Variants in SDHA observed in about 807,000 individuals in gnomAD.
SDHA encodes the protein succinate dehydrogenase [ubiquinone] flavoprotein subunit, mitochondrial.
In SDHA, 48 loss-of-function variants were observed where a neutral mutation model predicts 78.4. That is an observed-to-expected ratio of 0.61 (90% confidence interval 0.49 to 0.78). The LOEUF (loss-of-function observed/expected upper bound fraction) is 0.78, where lower values mean the gene tolerates loss of function less well. Ranked by LOEUF, SDHA falls within the 30% of genes least tolerant of loss-of-function variation. The pLI is 0.00. For missense variants in SDHA, 680 were observed against 892.7 expected (o/e 0.76, Z 3.04); for synonymous variants, 326 against 353.9 (o/e 0.92, Z 0.88).
intron 14 of SDHA, 56 bp from the exon 15 acceptor site, chr5:256,278 G>A: frequency 7.6e-7 from 1 of 1,313,110 alleles, no homozygotes; most frequent in Non-Finnish European, 1.1e-6. Context: ...AGGAACACAA[G>A]AGATGGCTTT....
chr5:230,759 T>C, intron 6 of SDHA, 117 bp from the exon 7 acceptor site: 2 of 1,374,582 alleles, frequency 1.5e-6, no homozygotes, highest in Non-Finnish European at 2.1e-6. Context: ...GGGGGTTGTG[T>C]GTGCACAGCA....
intron 11 of SDHA, among the ~76,000 whole-genome samples, chr5:247,885 A>G (rs1390935339): frequency 6.6e-6 from 1 of 152,246 alleles, no homozygotes; most frequent in Non-Finnish European, 1.5e-5. Context: ...TATAATTCTC[A>G]AGGACAAGCC....
intron 1 of SDHA, among the ~76,000 whole-genome samples, chr5:221,979 C>G (rs1734741464): frequency 6.6e-6 from 1 of 152,174 alleles, no homozygotes; most frequent in African/African-American, 2.4e-5. Flanking sequence ...ACTGTTTCTA[C>G]TTACATTTGG....
rs878854633 is a variant in SDHA, at chr5:226,022, C to T, written c.596C>T (p.Ser199Leu). The change falls in exon 5 of 15, where the codon TCG becomes TTG. Residue 199 changes from serine to leucine, a missense_variant. Ser to Leu is a moderately radical substitution (Grantham distance 145, BLOSUM62 -2). Transcript: ENST00000264932. ...CCCVADRTGH[S>L]LLHTLYGRSL... ...TGTGTGGCTGATCGGACTGGCCACT[C>T]GCTATTGCACACCTTATATGGAAGG... 5.6e-6 allele frequency: 9 copies of T among 1,614,044 alleles called. No individual in the cohort carries two copies. Among genetic ancestry groups the T allele is most frequent in the Admixed American group, 1.7e-5 (1 of 60,010 alleles).
chr5:247,636 C>T (rs1441852814), intron 11 of SDHA, among the ~76,000 whole-genome samples: 1 of 152,228 alleles, frequency 6.6e-6, no homozygotes, highest in African/African-American at 2.4e-5. Context: ...ATGGATGTCA[C>T]ACATGTTCCC....
chr5:257,305 C>T (rs62344345), downstream of SDHA, among the ~76,000 whole-genome samples: 36,465 of 151,818 alleles, frequency 0.24, 6,848 homozygotes, highest in African/African-American at 0.53. Context: ...AGCAGTGGGC[C>T]GGTGAGCTAC....
At chr5:223,895 A>C (rs1734855629) in intron 2 of SDHA, among the ~76,000 whole-genome samples, 1 of 152,226 alleles carries the variant, frequency 6.6e-6, no homozygotes, top group South Asian at 2.1e-4. Flanking sequence ...CGGTGGGGCC[A>C]GTGAACAGTA....
intron 6 of SDHA, among the ~76,000 whole-genome samples, chr5:228,967 T>C (rs993556066): frequency 1.3e-5 from 2 of 151,694 alleles, no homozygotes; most frequent in African/African-American, 4.8e-5. Context: ...CTTGAATAGA[T>C]ATTTTTCTAG....
rs1345848958 is a variant in SDHA, at chr5:235,302, A to G, written c.1223A>G (p.Tyr408Cys). The stretch of plus-strand genomic sequence containing the variant: ...ATCCCTGTCCTCCCCACCGTGCATT[A>G]TAACATGGGCGGCATTCCCACCAAC... Reference protein sequence around the residue: ...EPIPVLPTVHYNMGGIPTNYK... With the variant: ...EPIPVLPTVHCNMGGIPTNYK... Residue 408 changes from tyrosine to cysteine, a missense_variant, in exon 9 of 15, where the codon TAT becomes TGT. Tyr to Cys is a radical substitution (Grantham distance 194, BLOSUM62 -2). Coordinates refer to ENST00000264932, the MANE Select transcript of SDHA (RefSeq NM_004168.4). The G allele has an allele frequency of 2.5e-6, 4 of 1,614,092 alleles. No homozygotes were observed. The Admixed American group carries it at 6.7e-5, about 27-fold the overall frequency.
intron 14 of SDHA, among the ~76,000 whole-genome samples, chr5:256,020 T>C (rs964119475): frequency 5.3e-5 from 8 of 152,244 alleles, no homozygotes; most frequent in Non-Finnish European, 1.0e-4. Flanking sequence ...ACATTTCTTT[T>C]GAATGTCATG....
In SDHA at chr5:218,360, C is replaced by T. The variant is rs780064103; in HGVS notation, c.5C>T (p.Ser2Leu). 103 of 1,459,730 alleles carry T rather than the reference C, an allele frequency of 7.1e-5. No individual in the cohort carries two copies. Among genetic ancestry groups the T allele is most frequent in the Non-Finnish European group, 8.9e-5 (99 of 1,114,842 alleles). The allele number at this position is 1,459,730 out of a possible 1,614,324, so 90.4% of individuals were successfully genotyped here. A position where few individuals can be genotyped will look rare whatever the true frequency, so the allele number is the denominator to read the frequency against. The change falls in exon 1 of 15, where the codon TCG becomes TTG. Residue 2 changes from serine to leucine, a missense_variant. Transcript: ENST00000264932. MSGVRGLSRLLS... is the reference protein window; with the variant it reads MLGVRGLSRLLS... Reference sequence around the variant, plus strand: ...TGCGCGGCGGCAACAGCAGACATGTCGGGGGTCCGGGGCCTGTCGCGGCTG... The same window carrying T: ...TGCGCGGCGGCAACAGCAGACATGTTGGGGGTCCGGGGCCTGTCGCGGCTG...
At chr5:243,803 G>T (rs1275634267) in intron 11 of SDHA, among the ~76,000 whole-genome samples, 1 of 152,212 alleles carries the variant, frequency 6.6e-6, no homozygotes, top group Non-Finnish European at 1.5e-5. Flanking sequence ...ATCAAGGCCT[G>T]TGATGGTATC....
intron 1 of SDHA, among the ~76,000 whole-genome samples, chr5:222,141 G>A (rs183548131): frequency 6.6e-6 from 1 of 152,060 alleles, no homozygotes; most frequent in Admixed American, 6.6e-5. Context: ...AAGAATATTT[G>A]TTCTTTCTCA....
At position 251,122 on chromosome 5, in the gene SDHA, C is replaced by T. The variant is rs1214851392; in HGVS notation, c.1663+19C>T. On this transcript the variant is annotated intron_variant, in intron 12 of 14. Transcript: ENST00000264932. ...GACCGGGGTGAGCAGACAGTGGGCT[C>T]TGTGCACACTGTTGGGCCCTTCCTT... 1.4e-5 allele frequency: 23 copies of T among 1,605,782 alleles called. No individual in the cohort carries two copies. Among genetic ancestry groups the T allele is most frequent in the Non-Finnish European group, 1.9e-5 (22 of 1,174,338 alleles).
At chr5:242,193 T>G (rs72711328) in intron 11 of SDHA, among the ~76,000 whole-genome samples, 14,536 of 152,078 alleles carry the variant, frequency 0.096, 985 homozygotes, top group Non-Finnish European at 0.13. Context: ...ATGAGGTAAA[T>G]TTTTGGGAAC....
chr5:242,276 A>G (rs1358259144), intron 11 of SDHA, among the ~76,000 whole-genome samples: 2 of 152,240 alleles, frequency 1.3e-5, no homozygotes, highest in Non-Finnish European at 2.9e-5. Context: ...CTTGATGGCC[A>G]TGACGCCCAC....
the SDHA span, among the ~76,000 whole-genome samples, chr5:263,504 T>G: frequency 1.3e-5 from 2 of 152,300 alleles, no homozygotes; most frequent in African/African-American, 4.8e-5. Context: ...GCCTCCTACG[T>G]GACGGAAAGC....
rs1330979364 is a variant in SDHA at position 226,278 on chromosome 5, GAA to G, written c.621+232_621+233del. On this transcript the variant is annotated intron_variant, in intron 5 of 14. Coordinates refer to ENST00000264932, the MANE Select transcript of SDHA (RefSeq NM_004168.4). Reference sequence around the variant, plus strand: ...CTTCTTGCATCTATGTCAGAAAGTTGAATCGATAATCTTACATACCAGGTTTT... The same window carrying G: ...CTTCTTGCATCTATGTCAGAAAGTTGTCGATAATCTTACATACCAGGTTTT... 8.0e-3 allele frequency among the ~76,000 whole-genome samples: 1,217 copies of G among 152,270 alleles called. 25 individuals are homozygous for G. The highest frequency in any genetic ancestry group is 0.028 in the African/African-American group (1,167 of 41,558).
At chr5:257,405 A>G (rs1737269385), downstream of SDHA, among the ~76,000 whole-genome samples, 1 of 139,922 alleles carries the variant, frequency 7.1e-6, no homozygotes, top group African/African-American at 3.1e-5. Context: ...CTGCCAGAGC[A>G]TTACTCTGTG....
Sources: allele counts gnomAD v4.1 joint callset (sites outside exome capture counted in the v4.1 genomes callset), GRCh38; gene constraint gnomAD v4.1.1; transcripts MANE v1.5; gene names NCBI Gene and HGNC (gene_info 2026-07-23, HGNC 2026-07-21).